The following PCSK5 variants were observed in gnomAD, a reference collection of about 807,000 sequenced individuals.
The protein encoded by PCSK5 is proprotein convertase subtilisin/kexin type 5.
Under a neutral mutation model 233.2 loss-of-function variants are expected in PCSK5, and 129 were observed. The ratio of observed to expected loss-of-function variants is 0.55; its 90% CI spans 0.48 to 0.64. PCSK5 has a LOEUF of 0.64. Among genes scored for constraint, PCSK5 ranks in the 30% least tolerant of loss-of-function variants. The probability of loss-of-function intolerance (pLI) is 0.00; values close to 1 mark genes in which losing one functional copy is unlikely to be tolerated. For synonymous variants in PCSK5, 825 were observed against 879.2 expected, an observed-to-expected ratio of 0.94 and a Z score of 1.09; for missense variants, 2,076 against 2,430.1, an observed-to-expected ratio of 0.85 and a Z score of 3.06.
At chr9:76,013,964 T>C (rs1028825286) in intron 3 of PCSK5, among the ~76,000 whole-genome samples, 1 of 151,820 alleles carries the variant, frequency 6.6e-6, no homozygotes, top group African/African-American at 2.4e-5. Flanking sequence ...TTTTTGACTT[T>C]GAAGAAAAAA....
At chr9:76,158,151 C>CA (rs946281924) in intron 11 of PCSK5, among the ~76,000 whole-genome samples, 2 of 150,668 alleles carry the variant, frequency 1.3e-5, no homozygotes, top group Non-Finnish European at 3.0e-5. Flanking sequence ...GGTATCACAC[C>CA]AAAAAAAATA....
chr9:76,006,300 C>T (rs1475911485), intron 3 of PCSK5, among the ~76,000 whole-genome samples: 1 of 151,918 alleles, frequency 6.6e-6, no homozygotes, highest in Admixed American at 6.6e-5. Flanking sequence ...TTCATCTCAT[C>T]TGTCATATTA....
chr9:75,903,590 AATATATATTATAT>A lies in PCSK5; in HGVS notation c.192+12239_192+12251del, dbSNP rs1267425669. ...TGTGTGTGTGTATATATATATATAA[AATATATATTATAT>A]ATATATATTATATATATATATAAAA... On this transcript the variant is annotated intron_variant, in intron 1 of 37. Coordinates refer to ENST00000674117, the MANE Select transcript of PCSK5 (RefSeq NM_001372043.1). Among the ~76,000 whole-genome samples the A allele has an allele frequency of 4.8e-4, 59 of 122,710 alleles. No homozygotes were observed. In the East Asian group the frequency reaches 0.011, roughly 22 times the overall value. The allele number at this position is 122,710 out of a possible 152,430, so 80.5% of individuals were successfully genotyped here. A position where few individuals can be genotyped will look rare whatever the true frequency, so the allele number is the denominator to read the frequency against.
chr9:75,985,184 T>C (rs905731036), intron 2 of PCSK5, among the ~76,000 whole-genome samples: 1 of 152,224 alleles, frequency 6.6e-6, no homozygotes, highest in East Asian at 1.9e-4. Flanking sequence ...GACATCCCGC[T>C]AAAACTGGAA....
intron 1 of PCSK5, among the ~76,000 whole-genome samples, chr9:75,911,201 G>GTT (rs71370772): frequency 0.018 from 889 of 48,746 alleles, 99 homozygotes; most frequent in Non-Finnish European, 0.021. Flanking sequence ...GAACATATAG[G>GTT]TTTTTTTTTT....
At chr9:76,023,582 A>C (rs1225294546) in intron 3 of PCSK5, among the ~76,000 whole-genome samples, 156 bp from the exon 4 acceptor site, 2 of 152,052 alleles carry the variant, frequency 1.3e-5, no homozygotes, top group African/African-American at 2.4e-5. Context: ...GAAGGATCCC[A>C]TAAGCCCAGG....
intron 37 of PCSK5, among the ~76,000 whole-genome samples, chr9:76,357,324 C>T (rs1830326773): frequency 6.6e-6 from 1 of 152,080 alleles, no homozygotes; most frequent in African/African-American, 2.4e-5. Flanking sequence ...CAAGACCAGC[C>T]TGGCCAACAT....
chr9:76,009,012 G>T (rs1165642904), intron 3 of PCSK5, among the ~76,000 whole-genome samples: 1 of 152,118 alleles, frequency 6.6e-6, no homozygotes, highest in Non-Finnish European at 1.5e-5. Context: ...TTGTTTATCT[G>T]AAATTCAAAT....
chr9:75,939,544 G>A (rs938351916), intron 2 of PCSK5, among the ~76,000 whole-genome samples: 1 of 152,198 alleles, frequency 6.6e-6, no homozygotes, highest in Non-Finnish European at 1.5e-5. Flanking sequence ...AGTTGCTCAT[G>A]GAGTTGGAAG....
chr9:76,342,560 A>G (rs1159009282), intron 35 of PCSK5, among the ~76,000 whole-genome samples: 3 of 152,238 alleles, frequency 2.0e-5, no homozygotes, highest in Non-Finnish European at 4.4e-5. Context: ...TCTTGATGAC[A>G]TTATATTTTA....
Position 76,327,901 on chromosome 9 carries a change from C to T in PCSK5, c.4340-108C>T, listed in dbSNP as rs566835941. The T allele has an allele frequency of 7.9e-5, 60 of 757,750 alleles. 1 individual carries two copies. The highest frequency in any genetic ancestry group is 6.6e-4 in the East Asian group (27 of 40,888). 46.9% of individuals were successfully genotyped at this position (757,750 alleles called of 1,614,324 possible). A position where few individuals can be genotyped will look rare whatever the true frequency, so the allele number is the denominator to read the frequency against. ...ATTGGCCCAGAGCTCTGGAAATCTC[C>T]GGAAGAAATGTGAAAGGAATGTGAA... On this transcript the variant is annotated intron_variant, in intron 32 of 37. Transcript: ENST00000674117.
rs1040880939 is a variant in PCSK5 at position 76,265,163 on chromosome 9, C to G, written c.3142+24479C>G. Among the ~76,000 whole-genome samples the G allele has an allele frequency of 1.3e-5, 2 of 152,038 alleles. 1 individual carries two copies. Among genetic ancestry groups the G allele is most frequent in the Admixed American group, 1.3e-4 (2 of 15,258 alleles). On this transcript the variant is annotated intron_variant, in intron 24 of 37. Coordinates refer to ENST00000674117, the MANE Select transcript of PCSK5 (RefSeq NM_001372043.1). ...AGCAAATTAACACAGGAATAGAAAA[C>G]CAAATACTGCCTGTTCTCATTTATA...
At chr9:76,087,133 C>T (rs1831096523) in intron 7 of PCSK5, among the ~76,000 whole-genome samples, 1 of 152,184 alleles carries the variant, frequency 6.6e-6, no homozygotes, top group Non-Finnish European at 1.5e-5. Context: ...CCAAGGGTCA[C>T]ACCAACTTGT....
At chr9:76,090,126 C>G (rs895681746) in intron 7 of PCSK5, among the ~76,000 whole-genome samples, 5 of 152,164 alleles carry the variant, frequency 3.3e-5, no homozygotes, top group African/African-American at 4.8e-5. Context: ...CAATTGCAAT[C>G]ACACTACTTC....
At chr9:76,292,147 T>A in intron 24 of PCSK5, 86 bp from the exon 25 acceptor site, 1 of 787,182 alleles carries the variant, frequency 1.3e-6, no homozygotes, top group Non-Finnish European at 2.3e-6. Context: ...ACAGGATTGT[T>A]TATCTCAAGC....
intron 10 of PCSK5, among the ~76,000 whole-genome samples, chr9:76,145,579 G>C (rs1238063703): frequency 6.6e-6 from 1 of 152,164 alleles, no homozygotes; most frequent in East Asian, 1.9e-4. Context: ...ATTAATACAT[G>C]CATATCAGTT....
At chr9:76,200,473 T>C (rs1192389419) in intron 20 of PCSK5, among the ~76,000 whole-genome samples, 2 of 152,190 alleles carry the variant, frequency 1.3e-5, no homozygotes, top group African/African-American at 4.8e-5. Flanking sequence ...ATTTTATGGT[T>C]CGTTACTTGT....
chr9:76,268,589 A>T (rs1827413139), intron 24 of PCSK5, among the ~76,000 whole-genome samples: 1 of 152,216 alleles, frequency 6.6e-6, no homozygotes, highest in Non-Finnish European at 1.5e-5. Context: ...CATGCCTATA[A>T]TCCCAACACT....
At chr9:76,130,057 T>C (rs1440356897) in intron 9 of PCSK5, among the ~76,000 whole-genome samples, 2 of 152,100 alleles carry the variant, frequency 1.3e-5, no homozygotes, top group African/African-American at 4.8e-5. Context: ...AATAATGGTA[T>C]GCAATAATAC....
Sources: gnomAD v4.1 joint callset for allele counts (sites outside exome capture counted in the v4.1 genomes callset) on GRCh38, gnomAD v4.1.1 for gene constraint, MANE v1.5 for transcripts, NCBI Gene and HGNC (gene_info 2026-07-23, HGNC 2026-07-21) for gene names.